The following FMN2 variants were observed in gnomAD, a reference collection of about 807,000 sequenced individuals.
FMN2 encodes formin-2.
FMN2 carries 51 observed loss-of-function variants against 142.3 expected under a neutral mutation model. The observed-to-expected ratio is 0.36, with a 90% CI of 0.29 to 0.45. The LOEUF (loss-of-function observed/expected upper bound fraction) is 0.45. FMN2 is among the 20% of genes least tolerant of loss of function. The pLI is 1.00. For synonymous variants in FMN2, 882 were observed against 869.8 expected, an observed-to-expected ratio of 1.01 and a Z score of -0.25; for missense variants, 1,936 against 2,122.8, an observed-to-expected ratio of 0.91 and a Z score of 1.73.
intron 7 of FMN2, among the ~76,000 whole-genome samples, chr1:240,276,654 G>T (rs763663991): frequency 1.3e-5 from 2 of 152,020 alleles, no homozygotes; most frequent in African/African-American, 2.4e-5. Context: ...TTTTCCAAAT[G>T]ACACCCCATT....
At chr1:240,187,407 A>C (rs1306729468) in intron 3 of FMN2, among the ~76,000 whole-genome samples, 2 of 151,940 alleles carry the variant, frequency 1.3e-5, no homozygotes, top group East Asian at 3.9e-4. Flanking sequence ...TCTCGTCTTC[A>C]CCTTGCCAAC....
chr1:240,382,166 T>A (rs1673247110), intron 14 of FMN2, among the ~76,000 whole-genome samples: 1 of 152,286 alleles, frequency 6.6e-6, no homozygotes, highest in East Asian at 1.9e-4. Context: ...TAAATATCAT[T>A]TCTGTACACG....
intron 6 of FMN2, among the ~76,000 whole-genome samples, chr1:240,212,843 G>A (rs772011263): frequency 7.2e-5 from 11 of 152,190 alleles, no homozygotes; most frequent in African/African-American, 1.7e-4. Context: ...CATGACAAAC[G>A]TGTAGATGTG....
intron 14 of FMN2, among the ~76,000 whole-genome samples, 190 bp downstream of exon 14, chr1:240,356,098 A>G (rs1164110697): frequency 6.6e-6 from 1 of 152,074 alleles, no homozygotes; most frequent in Non-Finnish European, 1.5e-5. Context: ...GAGGCTAGCA[A>G]TTTGATAAAC....
chr1:240,450,771 G>A (rs1181817928), intron 16 of FMN2, among the ~76,000 whole-genome samples: 2 of 152,182 alleles, frequency 1.3e-5, no homozygotes, highest in Non-Finnish European at 2.9e-5. Context: ...AAAACTTGAT[G>A]CTGAGCTATA....
intron 13 of FMN2, among the ~76,000 whole-genome samples, chr1:240,353,107 G>A (rs1230839529): frequency 1.3e-5 from 2 of 152,098 alleles, no homozygotes; most frequent in Non-Finnish European, 2.9e-5. Context: ...GTCAACACCC[G>A]GTCATTCATG....
At chr1:240,358,408 T>A (rs950299) in intron 14 of FMN2, among the ~76,000 whole-genome samples, 1 of 152,082 alleles carries the variant, frequency 6.6e-6, no homozygotes, top group East Asian at 1.9e-4. Flanking sequence ...CTCTCAAAGC[T>A]GTTTTCAAGA....
At chr1:240,369,702 T>C (rs1672799827) in intron 14 of FMN2, among the ~76,000 whole-genome samples, 1 of 152,216 alleles carries the variant, frequency 6.6e-6, no homozygotes, top group Non-Finnish European at 1.5e-5. Flanking sequence ...CCTTGTTGCA[T>C]TGACAACTCT....
At chr1:240,447,399 C>T (rs1675860841) in intron 16 of FMN2, among the ~76,000 whole-genome samples, 1 of 151,928 alleles carries the variant, frequency 6.6e-6, no homozygotes, top group Non-Finnish European at 1.5e-5. Context: ...GAAAATGGTC[C>T]TAAAAAATGT....
chr1:240,226,016 G>A (rs1667285170), intron 6 of FMN2, among the ~76,000 whole-genome samples: 1 of 151,926 alleles, frequency 6.6e-6, no homozygotes, highest in African/African-American at 2.4e-5. Context: ...AACATACACA[G>A]AAAAGAATGA....
At chr1:240,251,188 C>A (rs2102885293) in intron 6 of FMN2, among the ~76,000 whole-genome samples, 1 of 151,994 alleles carries the variant, frequency 6.6e-6, no homozygotes, top group Admixed American at 6.6e-5. Context: ...GATCTTTCTA[C>A]TTTTTTGATG....
intron 15 of FMN2, among the ~76,000 whole-genome samples, chr1:240,405,836 A>G (rs1027839585): frequency 1.3e-5 from 2 of 152,224 alleles, no homozygotes; most frequent in Non-Finnish European, 2.9e-5. Flanking sequence ...TTTATAAGGC[A>G]AATCAGAAAT....
intron 16 of FMN2, among the ~76,000 whole-genome samples, chr1:240,467,113 A>T (rs536831251): frequency 6.6e-6 from 1 of 152,254 alleles, no homozygotes; most frequent in Non-Finnish European, 1.5e-5. Flanking sequence ...TAATAAGTAC[A>T]AACAAAACCG....
intron 2 of FMN2, among the ~76,000 whole-genome samples, chr1:240,131,806 G>A (rs996349744): frequency 4.6e-5 from 7 of 152,174 alleles, no homozygotes; most frequent in African/African-American, 1.7e-4. Flanking sequence ...GTATAAATTG[G>A]GAGAATGATG....
At chr1:240,178,267 A>T (rs759543089) in intron 3 of FMN2, among the ~76,000 whole-genome samples, 199 bp downstream of exon 3, 13 of 152,096 alleles carry the variant, frequency 8.5e-5, no homozygotes, top group Non-Finnish European at 1.8e-4. Flanking sequence ...GGCTGGGAAG[A>T]TAGCGTGAGA....
At chr1:240,149,452 G>A (rs998823991) in intron 2 of FMN2, among the ~76,000 whole-genome samples, 3 of 152,120 alleles carry the variant, frequency 2.0e-5, no homozygotes, top group African/African-American at 7.2e-5. Context: ...GTTAATTCTA[G>A]CATTTGTACT....
At chr1:240,349,110 A>T (rs572250846) in intron 13 of FMN2, among the ~76,000 whole-genome samples, 1 of 152,322 alleles carries the variant, frequency 6.6e-6, no homozygotes, top group South Asian at 2.1e-4. Context: ...CTGATTTTAT[A>T]GTTTTTGTTC....
chr1:240,294,991 C>A, intron 8 of FMN2, 108 bp downstream of exon 8: 1 of 939,666 alleles, frequency 1.1e-6, no homozygotes. Flanking sequence ...AAATTTGATC[C>A]GAGTGTAGTG....
chr1:240,383,088 C>A (rs113102391), intron 14 of FMN2, among the ~76,000 whole-genome samples: 244 of 152,240 alleles, frequency 1.6e-3, no homozygotes, highest in Non-Finnish European at 3.0e-3. Context: ...GGACCCCAGT[C>A]TCTCACCATA....
Sources: allele counts gnomAD v4.1 joint callset (sites outside exome capture counted in the v4.1 genomes callset), GRCh38; gene constraint gnomAD v4.1.1; transcripts MANE v1.5; gene names NCBI Gene and HGNC (gene_info 2026-07-23, HGNC 2026-07-21).